CEP128: variants seen among roughly 807,000 people sequenced by gnomAD.
CEP128 encodes centrosomal protein 128kDa.
Under a neutral mutation model 156.7 loss-of-function variants are expected in CEP128, and 132 were observed. The observed-to-expected ratio is 0.84, with a 90% confidence interval of 0.73 to 0.97. The LOEUF (loss-of-function observed/expected upper bound fraction) is 0.97. Ranked by LOEUF, CEP128 falls within the 50% of genes least tolerant of loss-of-function variation. CEP128 has a pLI of 0.00. For synonymous variants in CEP128, 469 were observed against 448.9 expected (o/e 1.04, Z -0.57); for missense variants, 1,252 against 1,281.9 (o/e 0.98, Z 0.36).
chr14:80,651,492 C>A (rs753156582), intron 19 of CEP128, among the ~76,000 whole-genome samples: 1 of 152,050 alleles, frequency 6.6e-6, no homozygotes, highest in Non-Finnish European at 1.5e-5. Flanking sequence ...TTCTCTAGTT[C>A]TTTTAATTGT....
intron 19 of CEP128, among the ~76,000 whole-genome samples, chr14:80,598,799 G>T (rs1273423012): frequency 6.6e-6 from 1 of 152,138 alleles, no homozygotes; most frequent in Non-Finnish European, 1.5e-5. Flanking sequence ...GAATAGAAAA[G>T]TAATTGAACA....
intron 19 of CEP128, among the ~76,000 whole-genome samples, chr14:80,689,042 C>T (rs949416766): frequency 2.0e-5 from 3 of 152,004 alleles, no homozygotes; most frequent in Admixed American, 1.3e-4. Context: ...ATACAATATG[C>T]ACTGGAGATA....
chr14:80,514,283 T>G (rs1472316034), intron 23 of CEP128, among the ~76,000 whole-genome samples: 1 of 152,188 alleles, frequency 6.6e-6, no homozygotes, highest in Non-Finnish European at 1.5e-5. Flanking sequence ...AGGACCCTCC[T>G]AAGGGCTGTG....
At chr14:80,568,072 A>G (rs1457500909) in intron 20 of CEP128, among the ~76,000 whole-genome samples, 1 of 152,200 alleles carries the variant, frequency 6.6e-6, no homozygotes, top group Non-Finnish European at 1.5e-5. Context: ...GGCTTGTGTC[A>G]TGCAGAACTT....
intron 21 of CEP128, among the ~76,000 whole-genome samples, chr14:80,533,180 A>G (rs1030889698): frequency 6.6e-5 from 10 of 152,174 alleles, no homozygotes; most frequent in African/African-American, 2.4e-4. Flanking sequence ...TAAATAATAA[A>G]ATTATAGGTT....
intron 12 of CEP128, among the ~76,000 whole-genome samples, chr14:80,835,336 T>G (rs1484927762): frequency 6.6e-6 from 1 of 152,184 alleles, no homozygotes; most frequent in Non-Finnish European, 1.5e-5. Context: ...AGAAAATATA[T>G]TAGAATAGCT....
At chr14:80,680,008 GC>G (rs1280262411) in intron 19 of CEP128, among the ~76,000 whole-genome samples, 1 of 152,234 alleles carries the variant, frequency 6.6e-6, no homozygotes, top group African/African-American at 2.4e-5. Flanking sequence ...TACAAAGTCA[GC>G]CAGTCTGTGT....
At chr14:80,666,663 T>C (rs193049089) in intron 19 of CEP128, among the ~76,000 whole-genome samples, 5 of 148,542 alleles carry the variant, frequency 3.4e-5, no homozygotes, top group African/African-American at 5.0e-5. Context: ...ATGTTAGGGA[T>C]ATTGCAATGA....
chr14:80,552,061 GGAGA>G (rs1390427642), intron 21 of CEP128, among the ~76,000 whole-genome samples: 2 of 152,028 alleles, frequency 1.3e-5, no homozygotes, highest in South Asian at 2.1e-4. Context: ...AAATAAAGTG[GGAGA>G]GAGTCAATTA....
intron 19 of CEP128, among the ~76,000 whole-genome samples, chr14:80,603,393 G>A (rs1461062001): frequency 6.6e-6 from 1 of 152,190 alleles, no homozygotes; most frequent in African/African-American, 2.4e-5. Flanking sequence ...TTCTTTCAGG[G>A]CTGATAAAAA....
chr14:80,494,993 C>G (rs528002445), downstream of CEP128, among the ~76,000 whole-genome samples: 1 of 152,248 alleles, frequency 6.6e-6, no homozygotes, highest in Non-Finnish European at 1.5e-5. Flanking sequence ...TGTTTCTCCC[C>G]CTGTAGCCTT....
chr14:80,492,284 G>A (rs904485348), downstream of CEP128, among the ~76,000 whole-genome samples: 4 of 152,190 alleles, frequency 2.6e-5, no homozygotes, highest in African/African-American at 4.8e-5. Context: ...ACACAAGGAT[G>A]AAGAATAATG....
chr14:80,583,285 C>G (rs770083224), intron 19 of CEP128, among the ~76,000 whole-genome samples: 1 of 152,110 alleles, frequency 6.6e-6, no homozygotes, highest in Admixed American at 6.5e-5. Flanking sequence ...CCCTGACTGA[C>G]CATCTTGTAT....
intron 19 of CEP128, among the ~76,000 whole-genome samples, chr14:80,693,584 T>C (rs1282464453): frequency 1.3e-5 from 2 of 152,194 alleles, no homozygotes; most frequent in African/African-American, 4.8e-5. Flanking sequence ...TAAAGATATT[T>C]TGTGAAGCAA....
At chr14:80,598,626 A>G (rs1892444358) in intron 19 of CEP128, among the ~76,000 whole-genome samples, 1 of 152,196 alleles carries the variant, frequency 6.6e-6, no homozygotes, top group Admixed American at 6.5e-5. Context: ...ATTATTCTTA[A>G]GTCTATATGG....
chr14:80,541,618 TA>T lies in CEP128; in HGVS notation c.2881-10733del, dbSNP rs574908580. On this transcript the variant is annotated intron_variant, in intron 21 of 24. Coordinates refer to ENST00000555265, the MANE Select transcript of CEP128 (RefSeq NM_152446.5). The stretch of plus-strand genomic sequence containing the variant: ...TTTTCACCTTATAACTGGCCTAACT[TA>T]AAAAAAAAAATCTCACAATCTTACC... Among the ~76,000 whole-genome samples the T allele has an allele frequency of 6.6e-4, 98 of 148,352 alleles. 1 individual carries two copies. Among genetic ancestry groups the T allele is most frequent in the East Asian group, 7.8e-4 (4 of 5,102 alleles).
intron 8 of CEP128, among the ~76,000 whole-genome samples, chr14:80,868,705 G>C (rs937488596): frequency 7.9e-5 from 12 of 152,050 alleles, no homozygotes; most frequent in Admixed American, 7.9e-4. Flanking sequence ...ACATAGAGTA[G>C]CTACTTAGAC....
chr14:80,742,620 T>C (rs550261183), intron 19 of CEP128: 14 of 156,318 alleles, frequency 9.0e-5, no homozygotes, highest in African/African-American at 3.4e-4. Flanking sequence ...ATGTATCTAT[T>C]TGTAATATGT....
intron 13 of CEP128, among the ~76,000 whole-genome samples, chr14:80,823,351 G>C (rs1450118141): frequency 6.6e-6 from 1 of 152,176 alleles, no homozygotes; most frequent in East Asian, 1.9e-4. Context: ...GAAAGTCAGG[G>C]TCGGCTTGTG....
Sources: gnomAD v4.1 joint callset for allele counts (sites outside exome capture counted in the v4.1 genomes callset) on GRCh38, gnomAD v4.1.1 for gene constraint, MANE v1.5 for transcripts, NCBI Gene and HGNC (gene_info 2026-07-23, HGNC 2026-07-21) for gene names.